The following SIK2 variants were observed in gnomAD, a reference collection of about 807,000 sequenced individuals.
SIK2 encodes serine/threonine-protein kinase SIK2.
SIK2 carries 29 observed loss-of-function variants against 103.2 expected under a neutral mutation model. The observed-to-expected ratio is 0.28, with a 90% CI of 0.21 to 0.38. SIK2 has a LOEUF of 0.38. SIK2 is among the 10% of genes least tolerant of loss of function. SIK2 has a pLI of 1.00. For synonymous variants in SIK2, 412 were observed against 446.1 expected, an observed-to-expected ratio of 0.92 and a Z score of 0.96; for missense variants, 879 against 1,171.0, an observed-to-expected ratio of 0.75 and a Z score of 3.64.
chr11:111,715,422 G>A (rs1431080328), intron 9 of SIK2, among the ~76,000 whole-genome samples: 9 of 152,202 alleles, frequency 5.9e-5, no homozygotes, highest in Admixed American at 5.2e-4. Context: ...CTTCATTGCT[G>A]CATGTATTGA....
chr11:111,628,352 T>C (rs1941988116), intron 3 of SIK2, among the ~76,000 whole-genome samples: 1 of 151,732 alleles, frequency 6.6e-6, no homozygotes, highest in South Asian at 2.1e-4. Context: ...TTACGGATGA[T>C]ACAGTCCCCA....
chr11:111,712,080 T>C, intron 8 of SIK2, 131 bp from the exon 9 acceptor site: 3 of 964,188 alleles, frequency 3.1e-6, no homozygotes, highest in South Asian at 1.6e-5. Context: ...ACTAAATCTT[T>C]CTGGAGTTTC....
At chr11:111,649,798 A>G (rs489783) in intron 3 of SIK2, among the ~76,000 whole-genome samples, 92,045 of 151,984 alleles carry the variant, frequency 0.61, 31,138 homozygotes, top group East Asian at 0.96. Context: ...GTCCAGAAGG[A>G]AGATACTGCA....
chr11:111,626,315 A>G (rs796626499), intron 3 of SIK2, among the ~76,000 whole-genome samples: 9 of 152,158 alleles, frequency 5.9e-5, no homozygotes, highest in African/African-American at 2.2e-4. Context: ...ATTTAGTTCA[A>G]TTTGTTTTTA....
chr11:111,705,220 G>A lies in SIK2; in HGVS notation c.1101+81G>A. On this transcript the variant is annotated intron_variant, in intron 8 of 14. Coordinates refer to ENST00000304987, the MANE Select transcript of SIK2 (RefSeq NM_015191.3). The surrounding 1 kb of genome is among the most constrained non-coding windows in gnomAD (Gnocchi z 4.3). ...ATACATTTTTCATCTTATACACAGG[G>A]TTAGGATTTCATCCTCTACACTCCG... The A allele has an allele frequency of 2.2e-6, 3 of 1,378,538 alleles. No homozygotes were observed. The highest frequency in any genetic ancestry group is 2.8e-6 in the Non-Finnish European group (3 of 1,058,836). 85.4% of individuals were successfully genotyped at this position (1,378,538 alleles called of 1,614,324 possible).
At chr11:111,639,952 T>A (rs1942159047) in intron 3 of SIK2, among the ~76,000 whole-genome samples, 1 of 152,176 alleles carries the variant, frequency 6.6e-6, no homozygotes, top group African/African-American at 2.4e-5. Flanking sequence ...TCTCTAATAT[T>A]TAATACTCTC....
In SIK2 at chr11:111,647,562, GAAAAAAAA is replaced by G. The variant is rs11307756; in HGVS notation, c.316+27173_316+27180del. ...GGTGGCAGAGGGAGACCCCCATCTC[GAAAAAAAA>G]AAAAAAAAAAAAGGCTGAACACGGT... On this transcript the variant is annotated intron_variant, in intron 3 of 14. Transcript: ENST00000304987. 9.5e-5 allele frequency among the ~76,000 whole-genome samples: 6 copies of G among 62,942 alleles called. No individual in the cohort carries two copies. The East Asian group carries it at 2.6e-3, about 28-fold the overall frequency. 41.3% of individuals were successfully genotyped at this position (62,942 alleles called of 152,430 possible). A position where few individuals can be genotyped will look rare whatever the true frequency, so the allele number is the denominator to read the frequency against.
At chr11:111,636,738 A>G (rs1294185308) in intron 3 of SIK2, among the ~76,000 whole-genome samples, 1 of 152,232 alleles carries the variant, frequency 6.6e-6, no homozygotes, top group Non-Finnish European at 1.5e-5. Flanking sequence ...CTACCATAAT[A>G]CAGAGTAGTT....
At chr11:111,610,003 T>C (rs1021437037) in intron 1 of SIK2, among the ~76,000 whole-genome samples, 2 of 152,210 alleles carry the variant, frequency 1.3e-5, no homozygotes, top group African/African-American at 4.8e-5. Context: ...AAGAAACACA[T>C]GTTAATCCCT....
chr11:111,604,947 G>A (rs1438684128), intron 1 of SIK2, among the ~76,000 whole-genome samples: 1 of 140,170 alleles, frequency 7.1e-6, no homozygotes. Flanking sequence ...AGGTTGTAAA[G>A]TTGCTCTGAA....
chr11:111,665,710 C>A (rs1468413367), intron 3 of SIK2, among the ~76,000 whole-genome samples: 1 of 151,938 alleles, frequency 6.6e-6, no homozygotes, highest in African/African-American at 2.4e-5. Flanking sequence ...CCTATAATCC[C>A]AGCTACTCAC....
chr11:111,721,779 C>T (rs762087060), intron 12 of SIK2, 51 bp from the exon 13 acceptor site: 33 of 1,430,700 alleles, frequency 2.3e-5, no homozygotes, highest in Middle Eastern at 1.8e-4. Flanking sequence ...AGAACTGAGA[C>T]GTTTTTCCCC....
At position 111,720,461 on chromosome 11, in the gene SIK2, TC is replaced by T; in HGVS notation, c.1496-16del. On this transcript the variant is annotated splice_polypyrimidine_tract_variant and intron_variant, in intron 10 of 14. Transcript: ENST00000304987. ...TGCTATTGCTGTTGGTTTTATCTGT[TC>T]TGTTTTCTCTTAAAGGGAAAATTTT... 1 of 1,583,120 alleles carries T rather than the reference TC, an allele frequency of 6.3e-7. No homozygotes were observed. Among genetic ancestry groups the T allele is most frequent in the Non-Finnish European group, 8.6e-7 (1 of 1,165,602 alleles).
chr11:111,614,037 A>AC (rs1941766990), intron 1 of SIK2, among the ~76,000 whole-genome samples: 1 of 145,258 alleles, frequency 6.9e-6, no homozygotes, highest in South Asian at 2.3e-4. Context: ...AGGGGAACTG[A>AC]CCCCCCTCGG....
intron 2 of SIK2, among the ~76,000 whole-genome samples, chr11:111,617,854 A>G (rs1332864263): frequency 1.4e-5 from 2 of 147,898 alleles, no homozygotes; most frequent in African/African-American, 4.9e-5. Flanking sequence ...GTGTGTGTAT[A>G]TATATATACA....
chr11:111,624,892 A>C (rs1329564346), intron 3 of SIK2, among the ~76,000 whole-genome samples: 2 of 152,282 alleles, frequency 1.3e-5, no homozygotes, highest in South Asian at 2.1e-4. Context: ...ATTTGAGCAC[A>C]GACTTTAAAG....
At chr11:111,700,838 A>G (rs1408891458) in intron 4 of SIK2, 48 bp from the exon 5 acceptor site, 4 of 1,605,638 alleles carry the variant, frequency 2.5e-6, no homozygotes, top group East Asian at 2.2e-5. Flanking sequence ...GAAATGCAGT[A>G]TAGTTTGAGA....
chr11:111,631,810 G>A (rs2135849310), intron 3 of SIK2, among the ~76,000 whole-genome samples: 1 of 150,412 alleles, frequency 6.6e-6, no homozygotes, highest in Admixed American at 6.7e-5. Flanking sequence ...TGAATAGAGA[G>A]GCTTCCTGTG....
In SIK2 at chr11:111,722,010, C is replaced by A; in HGVS notation, c.2055+70C>A. 1.6e-6 allele frequency: 2 copies of A among 1,212,984 alleles called. No individual in the cohort carries two copies. Among genetic ancestry groups the A allele is most frequent in the Non-Finnish European group, 1.1e-6 (1 of 884,372 alleles). The allele number at this position is 1,212,984 out of a possible 1,614,324, so 75.1% of individuals were successfully genotyped here. Reference sequence around the variant, plus strand: ...AATCTGTTCTTCTGCAAAGCAGAAACGTGTTTTGCCTGGCATTTATTTAGG... The same window carrying A: ...AATCTGTTCTTCTGCAAAGCAGAAAAGTGTTTTGCCTGGCATTTATTTAGG... On this transcript the variant is annotated intron_variant, in intron 13 of 14. Transcript: ENST00000304987. This position sits in a 1 kb window ranked among gnomAD's most constrained non-coding sequence, Gnocchi z 4.4.
Sources: gnomAD v4.1 joint callset for allele counts (sites outside exome capture counted in the v4.1 genomes callset) on GRCh38, gnomAD v4.1.1 for gene constraint, Gnocchi (gnomAD v3.1) non-coding constraint, MANE v1.5 for transcripts, NCBI Gene and HGNC (gene_info 2026-07-23, HGNC 2026-07-21) for gene names.